The following RHBDL2 variants were observed in gnomAD, a reference collection of about 807,000 sequenced individuals.
RHBDL2 encodes the protein rhomboid-related protein 2.
A neutral mutation model predicts 31.7 loss-of-function variants in RHBDL2; 26 were observed. That is an observed-to-expected ratio of 0.82 (90% confidence interval 0.60 to 1.14). The LOEUF is 1.14. Among genes scored for constraint, RHBDL2 ranks in the 50% most tolerant of loss-of-function variants. The pLI is 0.00. For missense variants in RHBDL2, 336 were observed against 364.4 expected, an observed-to-expected ratio of 0.92 and a Z score of 0.63; for synonymous variants, 123 against 127.2, an observed-to-expected ratio of 0.97 and a Z score of 0.22.
At chr1:38,903,052 G>A (rs576594480) in intron 4 of RHBDL2, among the ~76,000 whole-genome samples, 99 of 152,220 alleles carry the variant, frequency 6.5e-4, no homozygotes, top group Middle Eastern at 6.8e-3. Flanking sequence ...TAATAAGTGA[G>A]TTTAGCAAGG....
intron 1 of RHBDL2, among the ~76,000 whole-genome samples, chr1:38,925,057 A>G (rs945667748): frequency 1.3e-5 from 2 of 151,894 alleles, no homozygotes; most frequent in African/African-American, 4.8e-5. Context: ...CTGGGATTAT[A>G]GGCTTAAACC....
intron 1 of RHBDL2, among the ~76,000 whole-genome samples, chr1:38,923,194 A>G (rs186706652): frequency 1.3e-5 from 2 of 152,274 alleles, no homozygotes; most frequent in East Asian, 1.9e-4. Context: ...TTGGAAAGCA[A>G]TTGGCCAATG....
intron 3 of RHBDL2, among the ~76,000 whole-genome samples, chr1:38,913,107 C>T (rs1643179927): frequency 1.3e-5 from 2 of 151,476 alleles, no homozygotes; most frequent in Admixed American, 6.6e-5. Flanking sequence ...CTCAGCTTCC[C>T]AAGTAGCTGC....
In RHBDL2 at chr1:38,893,202, G is replaced by A; in HGVS notation, c.632C>T (p.Ala211Val). ...VLVNFQEMIP[A>V]FGIFRLLIII... ...GATCAGCAGTCTGAAAATTCCAAAG[G>A]CAGGAATCATTTCTTGAAAATTCTT... Residue 211 changes from alanine (A) to valine (V), a missense_variant, in exon 6 of 8, where the codon GCC becomes GTC. Transcript: ENST00000372990. 6.4e-7 allele frequency: 1 copy of A among 1,567,202 alleles called. No individual in the cohort carries two copies. The highest frequency in any genetic ancestry group is 8.8e-7 in the Non-Finnish European group (1 of 1,139,200).
chr1:38,911,715 C>T (rs1643150604), intron 3 of RHBDL2, among the ~76,000 whole-genome samples: 1 of 151,948 alleles, frequency 6.6e-6, no homozygotes, highest in African/African-American at 2.4e-5. Flanking sequence ...TCTCTGCTCA[C>T]CAGAACCTCT....
In RHBDL2 at chr1:38,919,289, C is replaced by G. The variant is rs768195474; in HGVS notation, c.-77G>C. 2.5e-6 allele frequency: 4 copies of G among 1,610,842 alleles called. No homozygotes were observed. The Admixed American group carries it at 6.7e-5, about 27-fold the overall frequency. On this transcript the variant is annotated 5_prime_UTR_variant, in exon 2 of 8. Coordinates refer to ENST00000372990, the MANE Select transcript of RHBDL2 (RefSeq NM_017821.5). ...AGGTGGCCCTAGGTCCTCAGGCTGC[C>G]GCTCTTCCCTGGGCTGTCTGGCGCA...
intron 2 of RHBDL2, among the ~76,000 whole-genome samples, chr1:38,916,697 A>G (rs1643240269): frequency 7.7e-6 from 1 of 130,400 alleles, no homozygotes; most frequent in African/African-American, 2.7e-5. Flanking sequence ...AAAATACAAA[A>G]AAAACAAACA....
intron 4 of RHBDL2, among the ~76,000 whole-genome samples, chr1:38,910,203 G>A (rs72925182): frequency 0.019 from 2,855 of 152,258 alleles, 101 homozygotes; most frequent in African/African-American, 0.065. Context: ...AGGAGGGTGG[G>A]ACAGAAGATG....
intron 7 of RHBDL2, among the ~76,000 whole-genome samples, chr1:38,887,101 A>G (rs1642793529): frequency 6.7e-6 from 1 of 148,468 alleles, no homozygotes; most frequent in South Asian, 2.1e-4. Context: ...ATACCCAAAC[A>G]GAAACTACCA....
chr1:38,928,759 A>AT (rs973971510), intron 1 of RHBDL2, among the ~76,000 whole-genome samples: 7 of 151,982 alleles, frequency 4.6e-5, no homozygotes, highest in East Asian at 2.0e-4. Context: ...TAAAAAAAAA[A>AT]TTTTAAATAA....
At chr1:38,904,631 T>TGGA (rs1643037428) in intron 4 of RHBDL2, among the ~76,000 whole-genome samples, 1 of 151,076 alleles carries the variant, frequency 6.6e-6, no homozygotes, top group African/African-American at 2.4e-5. Context: ...AGTTTGAGAC[T>TGGA]AGTCTAGGTA....
At chr1:38,898,310 AAAG>A (rs1251725822) in intron 4 of RHBDL2, among the ~76,000 whole-genome samples, 2 of 152,200 alleles carry the variant, frequency 1.3e-5, no homozygotes, top group Non-Finnish European at 2.9e-5. Context: ...CTCAAAAAAC[AAAG>A]AAGTAGTCCA....
rs186884083 is a variant in RHBDL2, at chr1:38,911,569, T to C, written c.396-135A>G. The C allele has an allele frequency of 6.2e-6, 4 of 643,022 alleles. No homozygotes were observed. In the African/African-American group the frequency reaches 7.3e-5, roughly 12 times the overall value. The allele number at this position is 643,022 out of a possible 1,614,324, so 39.8% of individuals were successfully genotyped here. A position where few individuals can be genotyped will look rare whatever the true frequency, so the allele number is the denominator to read the frequency against. ...TAGAATTCCATTTTCTAATTTTTCT[T>C]CGCAGACAACTCTTTTTTTCTTTTT... is the stretch of plus-strand genomic sequence containing the variant. On this transcript the variant is annotated intron_variant, in intron 3 of 7. Transcript: ENST00000372990.
At chr1:38,896,856 T>C (rs1167742366) in intron 4 of RHBDL2, among the ~76,000 whole-genome samples, 7 of 152,216 alleles carry the variant, frequency 4.6e-5, no homozygotes, top group Non-Finnish European at 1.0e-4. Flanking sequence ...AGGTCTTCTT[T>C]CATTTCCTTA....
chr1:38,932,376 A>G (rs1407614493), intron 1 of RHBDL2, among the ~76,000 whole-genome samples: 5 of 152,212 alleles, frequency 3.3e-5, no homozygotes, highest in African/African-American at 1.2e-4. Context: ...GCTGATGACT[A>G]CATGGAGAAG....
chr1:38,937,553 C>A (rs1450754180), intron 1 of RHBDL2, among the ~76,000 whole-genome samples: 2 of 152,122 alleles, frequency 1.3e-5, no homozygotes, highest in Non-Finnish European at 2.9e-5. Flanking sequence ...GAAATGGACT[C>A]TTTTAATGTT....
chr1:38,920,237 G>A (rs954973618), intron 1 of RHBDL2, among the ~76,000 whole-genome samples: 15 of 131,270 alleles, frequency 1.1e-4, no homozygotes, highest in South Asian at 2.3e-4. Context: ...GTGCGATCTC[G>A]GCTCACTGGA....
At chr1:38,941,461 C>T (rs1219988939) in intron 1 of RHBDL2, among the ~76,000 whole-genome samples, 1 of 152,128 alleles carries the variant, frequency 6.6e-6, no homozygotes, top group African/African-American at 2.4e-5. Flanking sequence ...GGAAGATAGC[C>T]CCTGACTCCT....
At chr1:38,886,842 A>G (rs1168985292) in intron 7 of RHBDL2, among the ~76,000 whole-genome samples, 159 bp from the exon 8 acceptor site, 1 of 152,236 alleles carries the variant, frequency 6.6e-6, no homozygotes, top group East Asian at 1.9e-4. Context: ...ACAAAACTCC[A>G]TGTGCACAGA....
Sources: allele counts gnomAD v4.1 joint callset (sites outside exome capture counted in the v4.1 genomes callset), GRCh38; gene constraint gnomAD v4.1.1; transcripts MANE v1.5; gene names NCBI Gene and HGNC (gene_info 2026-07-23, HGNC 2026-07-21).